WWOX: variants seen among roughly 807,000 people sequenced by gnomAD.
The protein encoded by WWOX is WW domain-containing oxidoreductase.
In WWOX, 69 loss-of-function variants were observed where a neutral mutation model predicts 46.2. The observed-to-expected ratio is 1.49, with a 90% CI of 1.23 to 1.82. WWOX has a LOEUF of 1.82. Among genes scored for constraint, WWOX ranks in the 40% most tolerant of loss-of-function variants. The pLI is 0.00. For synonymous variants in WWOX, 359 were observed against 202.6 expected (o/e 1.77, Z -6.56); for missense variants, 919 against 542.6 (o/e 1.69, Z -6.89).
intron 8 of WWOX, among the ~76,000 whole-genome samples, chr16:78,645,432 G>A (rs554610573): frequency 2.2e-4 from 34 of 152,248 alleles, no homozygotes; most frequent in African/African-American, 8.2e-4. Flanking sequence ...TGCTATAAAG[G>A]AATGCCTGAG....
At chr16:78,679,930 C>G (rs930983923) in intron 8 of WWOX, among the ~76,000 whole-genome samples, 4 of 152,176 alleles carry the variant, frequency 2.6e-5, no homozygotes, top group Non-Finnish European at 5.9e-5. Context: ...CAGCTGAGTG[C>G]TTTTGTGCCT....
chr16:78,433,670 T>G (rs1462986186), intron 8 of WWOX, among the ~76,000 whole-genome samples: 1 of 151,660 alleles, frequency 6.6e-6, no homozygotes, highest in African/African-American at 2.4e-5. Context: ...GAAGAACTAT[T>G]GCAGGCCTAT....
At chr16:78,210,721 A>G (rs923818613) in intron 5 of WWOX, among the ~76,000 whole-genome samples, 5 of 152,212 alleles carry the variant, frequency 3.3e-5, no homozygotes, top group South Asian at 2.1e-4. Flanking sequence ...TGTAAATTCA[A>G]TTGCATTTCA....
rs574237168 is a variant in WWOX at position 78,741,680 on chromosome 16, C to T, written c.1056+308928C>T. On this transcript the variant is annotated intron_variant, in intron 8 of 8. Transcript: ENST00000566780. ...GACCAGGCTGGCCAACATGGCAAAA[C>T]CCTGTCTATACTAAAAATACAGAAA... Among the ~76,000 whole-genome samples the T allele has an allele frequency of 2.0e-5, 3 of 152,140 alleles. No homozygotes were observed. The South Asian group carries it at 6.2e-4, about 32-fold the overall frequency.
In WWOX at chr16:78,285,275, A is replaced by G. The variant is rs146440021; in HGVS notation, c.517-101585A>G. Among the ~76,000 whole-genome samples the G allele has an allele frequency of 9.0e-3, 1,375 of 152,126 alleles. 23 individuals are homozygous for G. Among genetic ancestry groups the G allele is most frequent in the African/African-American group, 0.032 (1,309 of 41,480 alleles). On this transcript the variant is annotated intron_variant, in intron 5 of 8. Coordinates refer to ENST00000566780, the MANE Select transcript of WWOX (RefSeq NM_016373.4). ...CAGTGAGACCCTGTCTCTACTAAAA[A>G]AAGAGAAAACAAAATTAACCGGGCT...
At chr16:78,251,750 G>C (rs1881479632) in intron 5 of WWOX, among the ~76,000 whole-genome samples, 1 of 152,170 alleles carries the variant, frequency 6.6e-6, no homozygotes, top group Non-Finnish European at 1.5e-5. Flanking sequence ...TACAGATGTA[G>C]ACATCAAGTA....
intron 8 of WWOX, among the ~76,000 whole-genome samples, chr16:78,966,272 C>G (rs774269035): frequency 1.3e-5 from 2 of 152,178 alleles, no homozygotes; most frequent in African/African-American, 2.4e-5. Context: ...CAGACATGCT[C>G]AGAAACAAAT....
At chr16:78,166,447 G>C (rs1246483567) in intron 5 of WWOX, among the ~76,000 whole-genome samples, 10 of 152,196 alleles carry the variant, frequency 6.6e-5, no homozygotes, top group Admixed American at 5.9e-4. Context: ...GTATTTGTGA[G>C]TAAATGCCTG....
chr16:78,783,802 A>T (rs1400367712), intron 8 of WWOX, among the ~76,000 whole-genome samples: 1 of 151,674 alleles, frequency 6.6e-6, no homozygotes, highest in African/African-American at 2.4e-5. Context: ...TAGGAGGGTG[A>T]TGGTGATGAT....
intron 8 of WWOX, among the ~76,000 whole-genome samples, chr16:79,031,303 C>T (rs1014710447): frequency 3.9e-5 from 6 of 152,046 alleles, no homozygotes; most frequent in African/African-American, 7.2e-5. Context: ...CTGGGGAGCA[C>T]TGTTTGGTAC....
chr16:78,456,380 T>G (rs1024810560), intron 8 of WWOX, among the ~76,000 whole-genome samples: 1 of 148,102 alleles, frequency 6.8e-6, no homozygotes, highest in Non-Finnish European at 1.5e-5. Flanking sequence ...GAAACAAACT[T>G]GTTAAAAAAA....
rs763794637 is a variant in WWOX, at chr16:78,099,753, G to A, written c.-26G>A. 1.4e-5 allele frequency: 22 copies of A among 1,524,328 alleles called. No individual in the cohort carries two copies. The highest frequency in any genetic ancestry group is 8.8e-7 in the Non-Finnish European group (1 of 1,136,374). 94.4% of individuals were successfully genotyped at this position (1,524,328 alleles called of 1,614,324 possible). Reference sequence around the variant, plus strand: ...AGTGGACCCGGCAGCGGGCGATAGGGGGGCCAGGTGCCTCCACAGTCAGCC... The same window carrying A: ...AGTGGACCCGGCAGCGGGCGATAGGAGGGCCAGGTGCCTCCACAGTCAGCC... On this transcript the variant is annotated 5_prime_UTR_variant, in exon 1 of 9. Coordinates refer to ENST00000566780, the MANE Select transcript of WWOX (RefSeq NM_016373.4).
intron 5 of WWOX, among the ~76,000 whole-genome samples, chr16:78,248,268 G>A (rs963907881): frequency 8.5e-5 from 13 of 152,122 alleles, no homozygotes; most frequent in African/African-American, 2.9e-4. Context: ...ATCTCACATG[G>A]TGCAAACAGG....
intron 8 of WWOX, among the ~76,000 whole-genome samples, chr16:78,568,455 T>G (rs2044631307): frequency 6.6e-6 from 1 of 151,740 alleles, no homozygotes; most frequent in African/African-American, 2.4e-5. Flanking sequence ...TTTTCTTTTT[T>G]TTAAAAAAAA....
intron 6 of WWOX, among the ~76,000 whole-genome samples, chr16:78,395,100 A>G (rs1020321712): frequency 6.6e-6 from 1 of 152,224 alleles, no homozygotes; most frequent in African/African-American, 2.4e-5. Context: ...TGATCGTAAA[A>G]TGATCTTAGA....
intron 8 of WWOX, among the ~76,000 whole-genome samples, chr16:78,673,757 A>T (rs2047522405): frequency 6.6e-6 from 1 of 152,226 alleles, no homozygotes; most frequent in African/African-American, 2.4e-5. Flanking sequence ...TTCCTTAATT[A>T]TCCATGTTAT....
At chr16:78,917,156 C>T (rs8055573) in intron 8 of WWOX, among the ~76,000 whole-genome samples, 37,072 of 152,100 alleles carry the variant, frequency 0.24, 5,388 homozygotes, top group South Asian at 0.37. Context: ...CACTCTCAAC[C>T]AATTTTTGTA....
In WWOX at chr16:78,696,066, C is replaced by T. The variant is rs572947239; in HGVS notation, c.1056+263314C>T. Among the ~76,000 whole-genome samples the T allele has an allele frequency of 6.6e-5, 10 of 152,228 alleles. No individual in the cohort carries two copies. In the South Asian group the frequency reaches 1.9e-3, roughly 28 times the overall value. On this transcript the variant is annotated intron_variant, in intron 8 of 8. Coordinates refer to ENST00000566780, the MANE Select transcript of WWOX (RefSeq NM_016373.4). Reference sequence around the variant, plus strand: ...TCTGTGTTAAGCTTTCTGGGTGATTCTGATACACGGTCAAGTTTGAGATGT... The same window carrying T: ...TCTGTGTTAAGCTTTCTGGGTGATTTTGATACACGGTCAAGTTTGAGATGT...
At chr16:78,778,853 A>G (rs1450246491) in intron 8 of WWOX, among the ~76,000 whole-genome samples, 2 of 152,170 alleles carry the variant, frequency 1.3e-5, no homozygotes, top group Admixed American at 1.3e-4. Flanking sequence ...GTCTCCTCCT[A>G]GAAGAAACAC....
Sources: gnomAD v4.1 joint callset for allele counts (sites outside exome capture counted in the v4.1 genomes callset) on GRCh38, gnomAD v4.1.1 for gene constraint, MANE v1.5 for transcripts, NCBI Gene and HGNC (gene_info 2026-07-23, HGNC 2026-07-21) for gene names.